Variants in SHOC1 observed in about 807,000 individuals in gnomAD.
SHOC1 encodes the protein shortage in chiasmata 1.
Under a neutral mutation model 179.2 loss-of-function variants are expected in SHOC1, and 136 were observed. The observed-to-expected ratio is 0.76, with a 90% confidence interval of 0.66 to 0.87. The LOEUF (loss-of-function observed/expected upper bound fraction) is 0.87. SHOC1 is among the 40% of genes least tolerant of loss of function. SHOC1 has a pLI of 0.00. For synonymous variants in SHOC1, 489 were observed against 586.6 expected (o/e 0.83, Z 2.41); for missense variants, 1,538 against 1,700.8 (o/e 0.90, Z 1.68).
chr9:111,744,203 G>T (rs747943429), intron 10 of SHOC1, among the ~76,000 whole-genome samples: 1 of 152,176 alleles, frequency 6.6e-6, no homozygotes, highest in South Asian at 2.1e-4. Flanking sequence ...GGATTAGGGT[G>T]TATGGACTAA....
chr9:111,694,281 C>T lies in SHOC1; in HGVS notation c.3265G>A (p.Asp1089Asn), dbSNP rs1411813784. 3.1e-6 allele frequency: 5 copies of T among 1,611,480 alleles called. No individual in the cohort carries two copies. The highest frequency in any genetic ancestry group is 4.2e-6 in the Non-Finnish European group (5 of 1,178,422). ...GATTTATCCAACCATTCATGAGGAT[C>T]TCTCTTTGAGGTCATTAAACTGTGG... ...ADHSLMTSKR[D>N]PHEWLDKSWL... is the part of the protein sequence containing the mutation. The change falls in exon 25 of 28, where the codon GAT becomes AAT. Residue 1089 changes from aspartate (D) to asparagine (N), a missense_variant. By Grantham distance (23) the Asp-to-Asn change is conservative. Coordinates refer to ENST00000682961, the MANE Select transcript of SHOC1 (RefSeq NM_001378211.1).
intron 12 of SHOC1, among the ~76,000 whole-genome samples, chr9:111,730,182 C>A (rs548526739): frequency 6.6e-6 from 1 of 152,164 alleles, no homozygotes; most frequent in Non-Finnish European, 1.5e-5. Flanking sequence ...ACTTGCACCA[C>A]TAAAGTCTTG....
chr9:111,743,949 T>C (rs543339258), intron 10 of SHOC1, among the ~76,000 whole-genome samples: 1 of 152,344 alleles, frequency 6.6e-6, no homozygotes, highest in East Asian at 1.9e-4. Context: ...TTGTTTCAAA[T>C]GGCTCTAAAA....
At chr9:111,763,781 T>C (rs1286639254) in intron 5 of SHOC1, among the ~76,000 whole-genome samples, 2 of 152,146 alleles carry the variant, frequency 1.3e-5, no homozygotes, top group Non-Finnish European at 2.9e-5. Flanking sequence ...ATGATGGTGA[T>C]AACGACTTGT....
chr9:111,700,132 T>C (rs1362421939), intron 23 of SHOC1, 85 bp from the exon 24 acceptor site: 15 of 807,390 alleles, frequency 1.9e-5, no homozygotes, highest in Non-Finnish European at 2.8e-5. Context: ...CCACATTTCA[T>C]AATATTTTTA....
chr9:111,767,786 T>C (rs1411549278), intron 5 of SHOC1, among the ~76,000 whole-genome samples: 1 of 152,188 alleles, frequency 6.6e-6, no homozygotes, highest in Non-Finnish European at 1.5e-5. Context: ...ATATTGTTGT[T>C]ATTTTAGCAA....
chr9:111,764,305 T>C (rs145483815), intron 5 of SHOC1, among the ~76,000 whole-genome samples: 45 of 152,356 alleles, frequency 3.0e-4, no homozygotes, highest in Non-Finnish European at 5.4e-4. Flanking sequence ...TGTTAATCTC[T>C]TACTGTGCTT....
At chr9:111,786,950 C>A (rs1250683361) in intron 2 of SHOC1, among the ~76,000 whole-genome samples, 2 of 152,174 alleles carry the variant, frequency 1.3e-5, no homozygotes, top group Admixed American at 1.3e-4. Context: ...TTCTGAAAAT[C>A]CCAGGGCCCT....
At chr9:111,706,462 CA>C in intron 20 of SHOC1, 105 bp downstream of exon 20, 1 of 798,578 alleles carries the variant, frequency 1.3e-6, no homozygotes. Context: ...AGGTTGAACT[CA>C]AGGCTTCTAA....
At chr9:111,740,089 T>C (rs1001131027) in intron 11 of SHOC1, among the ~76,000 whole-genome samples, 6 of 152,220 alleles carry the variant, frequency 3.9e-5, no homozygotes, top group African/African-American at 1.4e-4. Context: ...AGAAATTTTT[T>C]TTCTTTTCCT....
intron 24 of SHOC1, among the ~76,000 whole-genome samples, chr9:111,697,151 T>A (rs1180356617): frequency 2.0e-5 from 3 of 151,368 alleles, no homozygotes; most frequent in African/African-American, 4.9e-5. Context: ...AGATGATGCA[T>A]CCTGAGAGAG....
chr9:111,727,817 A>G lies in SHOC1; in HGVS notation c.1650T>C (p.Phe550=). Residue 550 remains phenylalanine, a synonymous_variant, in exon 13 of 28, where the codon TTT becomes TTC. Transcript: ENST00000682961. ...IIQKKENNDH[F]ELDCTGPSIK... Reference sequence around the variant, plus strand: ...TAGATGGTCCTGTGCAGTCAAGTTCAAAGTGATCGTTATTTTCTTTCTTTT... The same window carrying G: ...TAGATGGTCCTGTGCAGTCAAGTTCGAAGTGATCGTTATTTTCTTTCTTTT... The G allele has an allele frequency of 6.2e-7, 1 of 1,611,924 alleles. No homozygotes were observed. The highest frequency in any genetic ancestry group is 8.5e-7 in the Non-Finnish European group (1 of 1,179,338).
At chr9:111,748,556 G>T (rs2131529268) in intron 8 of SHOC1, among the ~76,000 whole-genome samples, 1 of 152,246 alleles carries the variant, frequency 6.6e-6, no homozygotes, top group African/African-American at 2.4e-5. Flanking sequence ...AATATATGAT[G>T]ACTTTCTATG....
At chr9:111,721,805 T>C (rs2131411068) in intron 15 of SHOC1, among the ~76,000 whole-genome samples, 2 of 152,180 alleles carry the variant, frequency 1.3e-5, no homozygotes, top group South Asian at 4.2e-4. Flanking sequence ...TCAACTTAAA[T>C]TGTCTACCAG....
chr9:111,715,449 GACTT>G (rs1337344756), intron 16 of SHOC1, among the ~76,000 whole-genome samples: 1 of 152,170 alleles, frequency 6.6e-6, no homozygotes, highest in African/African-American at 2.4e-5. Context: ...CTTAGAGACT[GACTT>G]ACGTTCTTTC....
At position 111,686,818 on chromosome 9, in the gene SHOC1, T is replaced by C. The variant is rs564189114; in HGVS notation, c.4479A>G (p.Glu1493=). 322 of 1,613,912 alleles carry C rather than the reference T, an allele frequency of 2.0e-4. 4 individuals carry two copies. In the South Asian group the frequency reaches 3.4e-3, roughly 17 times the overall value. The change falls in exon 28 of 28, where the codon GAA becomes GAG. Residue 1493 remains glutamate, a synonymous_variant. Transcript: ENST00000682961. ...GCCCATCAACTCTACCAGGGACTTT[T>C]TCATATGCTAGACGTCGTTTTTTGA... ...PQFKKRRLAY[E]KVPGRVDGQT...
Position 111,727,803 on chromosome 9 carries a change from G to A in SHOC1, c.1664C>T (p.Thr555Ile). The A allele has an allele frequency of 6.2e-7, 1 of 1,612,946 alleles. No homozygotes were observed. The highest frequency in any genetic ancestry group is 8.5e-7 in the Non-Finnish European group (1 of 1,179,590). ...GGAAGGTGATTTAATAGATGGTCCT[G>A]TGCAGTCAAGTTCAAAGTGATCGTT... ...ENNDHFELDC[T>I]GPSIKSPSSS... is the part of the protein sequence containing the mutation. Residue 555 changes from threonine (T) to isoleucine (I), a missense_variant, in exon 13 of 28, where the codon ACA becomes ATA. By Grantham distance (89) the Thr-to-Ile change is moderately conservative. Coordinates refer to ENST00000682961, the MANE Select transcript of SHOC1 (RefSeq NM_001378211.1).
At chr9:111,687,066 C>T (rs1037242485) in intron 27 of SHOC1, among the ~76,000 whole-genome samples, 196 bp from the exon 28 acceptor site, 3 of 151,898 alleles carry the variant, frequency 2.0e-5, no homozygotes, top group South Asian at 4.1e-4. Context: ...CCTGCCTCAG[C>T]CTCCCGAGCA....
rs1184204498 is a variant in SHOC1, at chr9:111,703,944, G to A, written c.2904C>T (p.Leu968=). Residue 968 remains leucine (L), a synonymous_variant, in exon 22 of 28, where the codon CTC becomes CTT. Transcript: ENST00000682961. ...CTACATAACACTCTGAACTTCCAAA[G>A]AGTTTCAATGACTCACTGCAGCCTC... ...VERGCSESLK[L]FGSSECYVVV... The A allele has an allele frequency of 2.5e-6, 4 of 1,608,864 alleles. No homozygotes were observed. The South Asian group carries it at 3.3e-5, about 13-fold the overall frequency.
Sources: allele counts gnomAD v4.1 joint callset (sites outside exome capture counted in the v4.1 genomes callset), GRCh38; gene constraint gnomAD v4.1.1; transcripts MANE v1.5; gene names NCBI Gene and HGNC (gene_info 2026-07-23, HGNC 2026-07-21).